The following TRAF3IP2 variants were observed in gnomAD, a reference collection of about 807,000 sequenced individuals.
TRAF3IP2 encodes the protein TRAF3 interacting protein 2, also known as E3 ubiquitin ligase TRAF3IP2.
A neutral mutation model predicts 57.9 loss-of-function variants in TRAF3IP2; 35 were observed. The ratio of observed to expected loss-of-function variants is 0.60; its 90% CI spans 0.46 to 0.80. The LOEUF (loss-of-function observed/expected upper bound fraction) is 0.80, where lower values mean the gene tolerates loss of function less well. TRAF3IP2 is among the 30% of genes least tolerant of loss of function. The probability of loss-of-function intolerance (pLI) is 0.00; values close to 1 mark genes in which losing one functional copy is unlikely to be tolerated. For missense variants in TRAF3IP2, 556 were observed against 706.4 expected, an observed-to-expected ratio of 0.79 and a Z score of 2.41; for synonymous variants, 251 against 268.9, an observed-to-expected ratio of 0.93 and a Z score of 0.65.
rs1795255331 is a variant in TRAF3IP2, at chr6:111,556,810, GTCCTTTC to G, written c.*2588_*2594del. 8 of 152,244 alleles carry G rather than the reference GTCCTTTC, an allele frequency of 5.3e-5. No individual in the cohort carries two copies. Among genetic ancestry groups the G allele is most frequent in the African/African-American group, 1.7e-4 (7 of 41,532 alleles). 9.4% of individuals were successfully genotyped at this position (152,244 alleles called of 1,614,324 possible). On this transcript the variant is annotated 3_prime_UTR_variant, in exon 9 of 9. Coordinates refer to ENST00000368761, the MANE Select transcript of TRAF3IP2 (RefSeq NM_147686.4). ...TCTTATTTATAGTTGACAAGTATTTGTCCTTTCCCTGTGCTACATATAAGAGCTGGAC... is the reference window on the plus strand; with the variant it reads ...TCTTATTTATAGTTGACAAGTATTTGCCTGTGCTACATATAAGAGCTGGAC...
Position 111,591,267 on chromosome 6 carries a change from G to A in TRAF3IP2, c.820C>T (p.Gln274Ter). 2 of 1,487,744 alleles carry A rather than the reference G, an allele frequency of 1.3e-6. No homozygotes were observed. The highest frequency in any genetic ancestry group is 1.8e-6 in the Non-Finnish European group (2 of 1,117,138). 92.2% of individuals were successfully genotyped at this position (1,487,744 alleles called of 1,614,324 possible). A position where few individuals can be genotyped will look rare whatever the true frequency, so the allele number is the denominator to read the frequency against. ...GGTAAAGATCACTTACATGGCACCT[G>A]GTGATCGGGACTTCCAGGACAATGG... ...HYHCPGSPDH[Q>*]VPYGHDYPRA... Residue 274 changes from glutamine (Q) to a stop codon, truncating the protein, a stop_gained, in exon 2 of 9, where the codon CAG (glutamine) becomes TAG (stop). Coordinates refer to ENST00000368761, the MANE Select transcript of TRAF3IP2 (RefSeq NM_147686.4). LOFTEE classifies it high-confidence loss of function. The surrounding 1 kb of genome is among the most constrained non-coding windows in gnomAD (Gnocchi z 4.9).
At chr6:111,589,399 G>T (rs1796438806) in intron 2 of TRAF3IP2, among the ~76,000 whole-genome samples, 1 of 152,162 alleles carries the variant, frequency 6.6e-6, no homozygotes, top group South Asian at 2.1e-4. Flanking sequence ...ATAACAGAAT[G>T]TTAAAAAGTA....
At chr6:111,599,521 C>T (rs1010892432) in intron 1 of TRAF3IP2, among the ~76,000 whole-genome samples, 3 of 152,150 alleles carry the variant, frequency 2.0e-5, no homozygotes, top group Non-Finnish European at 2.9e-5. Context: ...TCCCATGCTT[C>T]ACCCTCTCTC....
intron 1 of TRAF3IP2, 138 bp from the exon 2 acceptor site, chr6:111,592,232 T>C (rs1796548530): frequency 1.3e-6 from 1 of 749,686 alleles, no homozygotes; most frequent in Non-Finnish European, 2.2e-6. Context: ...AAAGCCCTAA[T>C]CACATAAAAT....
chr6:111,602,521 G>A (rs1796907312), intron 1 of TRAF3IP2, among the ~76,000 whole-genome samples: 1 of 152,140 alleles, frequency 6.6e-6, no homozygotes, highest in African/African-American at 2.4e-5. Context: ...GTGGGGAAAC[G>A]CTGAAGGATT....
chr6:111,584,133 G>A (rs2128379278), intron 2 of TRAF3IP2, among the ~76,000 whole-genome samples: 1 of 152,320 alleles, frequency 6.6e-6, no homozygotes, highest in South Asian at 2.1e-4. Flanking sequence ...TGTTGGTGCT[G>A]TTAATCAAAA....
At chr6:111,584,119 C>T (rs949850749) in intron 2 of TRAF3IP2, among the ~76,000 whole-genome samples, 15 of 152,254 alleles carry the variant, frequency 9.9e-5, no homozygotes, top group African/African-American at 2.6e-4. Context: ...TTCCAGAAAG[C>T]GGATGTTGGT....
At position 111,582,861 on chromosome 6, in the gene TRAF3IP2, T is replaced by A. The variant is rs140351294; in HGVS notation, c.830-2472A>T. Among the ~76,000 whole-genome samples the A allele has an allele frequency of 1.3e-4, 20 of 152,254 alleles. No homozygotes were observed. The East Asian group carries it at 3.7e-3, about 28-fold the overall frequency. The stretch of plus-strand genomic sequence containing the variant: ...CTGGCCCACTAAGCTCTGGCTTCAT[T>A]TTGAATATCCCAAACTTGTCCTCTC... On this transcript the variant is annotated intron_variant, in intron 2 of 8. Coordinates refer to ENST00000368761, the MANE Select transcript of TRAF3IP2 (RefSeq NM_147686.4).
At chr6:111,581,908 G>A (rs960489646) in intron 2 of TRAF3IP2, among the ~76,000 whole-genome samples, 5 of 152,302 alleles carry the variant, frequency 3.3e-5, no homozygotes, top group Middle Eastern at 6.8e-3. Flanking sequence ...AACTTGGGAG[G>A]CAGAGGCTGC....
At chr6:111,599,317 C>T (rs1218788849) in intron 1 of TRAF3IP2, among the ~76,000 whole-genome samples, 4 of 152,154 alleles carry the variant, frequency 2.6e-5, no homozygotes, top group Admixed American at 6.6e-5. Flanking sequence ...GTTTCTCTCT[C>T]CAGGTCCCTT....
intron 1 of TRAF3IP2, 35 bp from the exon 2 acceptor site, chr6:111,592,129 G>C (rs1796545963): frequency 6.4e-7 from 1 of 1,561,832 alleles, no homozygotes; most frequent in Non-Finnish European, 8.7e-7. Context: ...AGCCTTAGAA[G>C]ACAGATAAAT....
intron 2 of TRAF3IP2, among the ~76,000 whole-genome samples, chr6:111,590,010 C>A (rs1796456369): frequency 6.6e-6 from 1 of 152,176 alleles, no homozygotes; most frequent in African/African-American, 2.4e-5. Flanking sequence ...GCCTCACAGC[C>A]CTGTGTTTCA....
chr6:111,566,471 G>T lies in TRAF3IP2; in HGVS notation c.1449C>A (p.Gly483=). Residue 483 remains glycine (G), a synonymous_variant, in exon 7 of 9, where the codon GGC becomes GGA. Coordinates refer to ENST00000368761, the MANE Select transcript of TRAF3IP2 (RefSeq NM_147686.4). ...AESQLDEDEH[G]LHTKYIHRMM... The stretch of plus-strand genomic sequence containing the variant: ...TTCGATGAATGTACTTAGTATGTAA[G>T]CCATGCTCATCCTCGTCCAGCTGCG... 1 of 1,614,082 alleles carries T rather than the reference G, an allele frequency of 6.2e-7. No homozygotes were observed. The highest frequency in any genetic ancestry group is 8.5e-7 in the Non-Finnish European group (1 of 1,179,952).
chr6:111,594,612 C>T (rs1426248932), intron 1 of TRAF3IP2: 1 of 398,802 alleles, frequency 2.5e-6, no homozygotes, highest in East Asian at 7.9e-5. Flanking sequence ...GGTGGGAATT[C>T]TTCAGTTAAA....
intron 1 of TRAF3IP2, among the ~76,000 whole-genome samples, chr6:111,605,035 A>G (rs568341262): frequency 3.8e-4 from 58 of 152,130 alleles, no homozygotes; most frequent in African/African-American, 1.3e-3. Flanking sequence ...AGAACTTGAA[A>G]CCAAGTTTCT....
At chr6:111,560,236 C>T (rs1795387729) in intron 8 of TRAF3IP2, among the ~76,000 whole-genome samples, 1 of 152,150 alleles carries the variant, frequency 6.6e-6, no homozygotes, top group Non-Finnish European at 1.5e-5. Flanking sequence ...AGAAAATGAG[C>T]AAAGACCTAA....
intron 1 of TRAF3IP2, among the ~76,000 whole-genome samples, chr6:111,595,063 C>T: frequency 6.6e-6 from 1 of 152,166 alleles, no homozygotes; most frequent in South Asian, 2.1e-4. Context: ...GAAACCCTGT[C>T]TCTACTAAAA....
At chr6:111,580,484 C>T in intron 2 of TRAF3IP2, 95 bp from the exon 3 acceptor site, 2 of 1,188,240 alleles carry the variant, frequency 1.7e-6, no homozygotes, top group Non-Finnish European at 2.3e-6. Flanking sequence ...GTGTCTTGAT[C>T]CCAGCTGAGG....
intron 3 of TRAF3IP2, among the ~76,000 whole-genome samples, chr6:111,577,852 C>T (rs1796037792): frequency 6.6e-6 from 1 of 152,264 alleles, no homozygotes; most frequent in East Asian, 1.9e-4. Flanking sequence ...GCTGGAACCA[C>T]AGGTATGTGC....
Sources: gnomAD v4.1 joint callset for allele counts (sites outside exome capture counted in the v4.1 genomes callset) on GRCh38, gnomAD v4.1.1 for gene constraint, Gnocchi (gnomAD v3.1) non-coding constraint, MANE v1.5 for transcripts, NCBI Gene and HGNC (gene_info 2026-07-23, HGNC 2026-07-21) for gene names.